Variants in NR3C2 observed in about 807,000 individuals in gnomAD.
NR3C2 encodes the protein nuclear receptor subfamily 3 group C member 2, also known as mineralocorticoid receptor.
NR3C2 carries 15 observed loss-of-function variants against 86.4 expected under a neutral mutation model. That is an observed-to-expected ratio of 0.17 (90% CI 0.12 to 0.27). The LOEUF is 0.27. Ranked by LOEUF, NR3C2 falls within the 10% of genes least tolerant of loss-of-function variation. The pLI is 1.00. For missense variants in NR3C2, 960 were observed against 1,195.6 expected (o/e 0.80, Z 2.91); for synonymous variants, 458 against 450.5 (o/e 1.02, Z -0.21).
chr4:148,119,464 C>T (rs1488619096), intron 7 of NR3C2, among the ~76,000 whole-genome samples: 11 of 152,172 alleles, frequency 7.2e-5, no homozygotes, highest in African/African-American at 2.7e-4. Flanking sequence ...CATTCCTTAC[C>T]TCCATCATAG....
At chr4:148,421,784 A>G (rs1749294543) in intron 2 of NR3C2, among the ~76,000 whole-genome samples, 1 of 152,226 alleles carries the variant, frequency 6.6e-6, no homozygotes, top group Non-Finnish European at 1.5e-5. Context: ...GCATTATGAA[A>G]TCACAGAGGC....
intron 3 of NR3C2, among the ~76,000 whole-genome samples, chr4:148,235,262 T>TTATATATATA (rs370271975): frequency 0.015 from 2,131 of 143,696 alleles, 17 homozygotes; most frequent in Admixed American, 0.024. Flanking sequence ...TAAGTGGCAA[T>TTATATATATA]TATATATATA....
chr4:148,169,513 T>C (rs1735030610), intron 4 of NR3C2, among the ~76,000 whole-genome samples: 1 of 151,024 alleles, frequency 6.6e-6, no homozygotes, highest in East Asian at 1.9e-4. Context: ...TTTTTATATA[T>C]ATATAAAATC....
At chr4:148,162,771 C>A (rs916308723) in intron 4 of NR3C2, among the ~76,000 whole-genome samples, 14 of 152,136 alleles carry the variant, frequency 9.2e-5, no homozygotes, top group African/African-American at 2.9e-4. Flanking sequence ...GCTCGTGCCT[C>A]CCTGCCAGGG....
chr4:148,137,870 C>T (rs779070183), intron 6 of NR3C2, among the ~76,000 whole-genome samples: 3 of 152,040 alleles, frequency 2.0e-5, no homozygotes, highest in Admixed American at 1.3e-4. Flanking sequence ...TGCAAACAGG[C>T]AAAACAATGC....
At chr4:148,299,063 G>A (rs1197681069) in intron 2 of NR3C2, among the ~76,000 whole-genome samples, 1 of 152,116 alleles carries the variant, frequency 6.6e-6, no homozygotes, top group Non-Finnish European at 1.5e-5. Flanking sequence ...TACGTGAGGT[G>A]GGAGCCTATT....
At chr4:148,438,779 T>TA (rs1043947525) in intron 1 of NR3C2, among the ~76,000 whole-genome samples, 13 of 146,396 alleles carry the variant, frequency 8.9e-5, no homozygotes, top group Middle Eastern at 3.4e-3. Flanking sequence ...GTCCAAGTAT[T>TA]ATAATTACCT....
intron 2 of NR3C2, among the ~76,000 whole-genome samples, chr4:148,431,708 T>C (rs1749809152): frequency 6.6e-6 from 1 of 152,224 alleles, no homozygotes; most frequent in Admixed American, 6.5e-5. Context: ...CTCATTTCTG[T>C]CAGTTTAAAA....
intron 8 of NR3C2, among the ~76,000 whole-genome samples, chr4:148,094,865 C>CT (rs1318405054): frequency 6.6e-6 from 1 of 151,616 alleles, no homozygotes; most frequent in Non-Finnish European, 1.5e-5. Flanking sequence ...ATTATTCAGC[C>CT]TCAAAAAGAA....
At chr4:148,220,136 G>A (rs963227431) in intron 3 of NR3C2, among the ~76,000 whole-genome samples, 1 of 152,052 alleles carries the variant, frequency 6.6e-6, no homozygotes, top group Non-Finnish European at 1.5e-5. Context: ...CCCCAGGCTG[G>A]AGTGCAGTGG....
chr4:148,201,143 C>G, intron 3 of NR3C2: 1 of 152,162 alleles, frequency 6.6e-6, no homozygotes, highest in East Asian at 1.9e-4. Flanking sequence ...GTAGAGCCTG[C>G]ACAGTCATCC....
intron 4 of NR3C2, among the ~76,000 whole-genome samples, chr4:148,179,453 A>G (rs776937547): frequency 2.6e-5 from 4 of 151,748 alleles, no homozygotes; most frequent in East Asian, 1.9e-4. Flanking sequence ...AATTTTTCCA[A>G]CATCCCTGAA....
At chr4:148,439,551 TCTGTCCCGTGTCTGAAGGGGACCCC>T (rs551811964) in intron 1 of NR3C2, among the ~76,000 whole-genome samples, 106 of 152,324 alleles carry the variant, frequency 7.0e-4, no homozygotes, top group African/African-American at 2.5e-3. Flanking sequence ...AAGAGGGCTC[TCTGTCCCGTGTCTGAAGGGGACCCC>T]CACCCAGACC....
At chr4:148,173,559 AAC>A (rs1217068082) in intron 4 of NR3C2, among the ~76,000 whole-genome samples, 57 of 152,338 alleles carry the variant, frequency 3.7e-4, no homozygotes, top group Middle Eastern at 3.4e-3. Flanking sequence ...TCCTCTAAGG[AAC>A]ACAGTCTGTT....
intron 3 of NR3C2, among the ~76,000 whole-genome samples, chr4:148,229,827 G>C (rs1416284415): frequency 6.6e-6 from 1 of 152,168 alleles, no homozygotes; most frequent in African/African-American, 2.4e-5. Flanking sequence ...GGACATTATT[G>C]TAGCCTATGT....
chr4:148,091,106 C>T (rs942782800), intron 8 of NR3C2, among the ~76,000 whole-genome samples: 14 of 152,366 alleles, frequency 9.2e-5, no homozygotes, highest in East Asian at 1.9e-4. Context: ...GAAGTGCTGG[C>T]GGCCACAGAA....
chr4:148,440,647 A>G (rs1448845188), intron 1 of NR3C2, among the ~76,000 whole-genome samples: 3 of 152,240 alleles, frequency 2.0e-5, no homozygotes, highest in Non-Finnish European at 4.4e-5. Context: ...AAAATTCACT[A>G]AAGGAAAAGC....
chr4:148,390,577 TACA>T (rs1747494344), intron 2 of NR3C2, among the ~76,000 whole-genome samples: 1 of 152,018 alleles, frequency 6.6e-6, no homozygotes, highest in South Asian at 2.1e-4. Context: ...GAATGAAAAA[TACA>T]ACAAGGTTCT....
intron 2 of NR3C2, among the ~76,000 whole-genome samples, chr4:148,262,236 G>A (rs1421267296): frequency 6.6e-6 from 1 of 151,766 alleles, no homozygotes; most frequent in Non-Finnish European, 1.5e-5. Context: ...ATTTCTGTGG[G>A]CCTTGATCCC....
Sources: gnomAD v4.1 joint callset for allele counts (sites outside exome capture counted in the v4.1 genomes callset) on GRCh38, gnomAD v4.1.1 for gene constraint, MANE v1.5 for transcripts, NCBI Gene and HGNC (gene_info 2026-07-23, HGNC 2026-07-21) for gene names.